Variants in LIMCH1 observed in about 807,000 individuals in gnomAD.
The protein encoded by LIMCH1 is LIM and calponin homology domains-containing protein 1.
A neutral mutation model predicts 176.5 loss-of-function variants in LIMCH1; 113 were observed. That is an observed-to-expected ratio of 0.64 (90% CI 0.55 to 0.75). LIMCH1 has a LOEUF of 0.75. Among genes scored for constraint, LIMCH1 ranks in the 30% least tolerant of loss-of-function variants. The probability of loss-of-function intolerance (pLI) is 0.00; values close to 1 mark genes in which losing one functional copy is unlikely to be tolerated. For missense variants in LIMCH1, 1,674 were observed against 1,814.9 expected, an observed-to-expected ratio of 0.92 and a Z score of 1.41; for synonymous variants, 619 against 645.9, an observed-to-expected ratio of 0.96 and a Z score of 0.63.
chr4:41,362,138 G>C (rs941866371), intron 1 of LIMCH1, among the ~76,000 whole-genome samples: 4 of 152,198 alleles, frequency 2.6e-5, no homozygotes, highest in Non-Finnish European at 5.9e-5. Flanking sequence ...ACTTAATGCT[G>C]CTCTCCTGCT....
intron 31 of LIMCH1, among the ~76,000 whole-genome samples, chr4:41,694,377 C>T (rs1175890776): frequency 1.3e-5 from 2 of 152,144 alleles, no homozygotes; most frequent in African/African-American, 4.8e-5. Flanking sequence ...TATGTTTGTA[C>T]ATGTGTATGC....
intron 2 of LIMCH1, among the ~76,000 whole-genome samples, chr4:41,603,591 A>G (rs1157486535): frequency 6.6e-6 from 1 of 152,216 alleles, no homozygotes; most frequent in East Asian, 1.9e-4. Context: ...AACTATGAAT[A>G]GTCCCAGTTC....
chr4:41,445,670 C>T (rs996281131), intron 1 of LIMCH1, among the ~76,000 whole-genome samples: 24 of 152,200 alleles, frequency 1.6e-4, no homozygotes, highest in African/African-American at 5.5e-4. Context: ...TGACCTGTAT[C>T]TTTCCACGAT....
intron 1 of LIMCH1, among the ~76,000 whole-genome samples, chr4:41,361,184 G>GA (rs2051974297): frequency 6.6e-6 from 1 of 152,222 alleles, no homozygotes; most frequent in South Asian, 2.1e-4. Context: ...GGCAGGAAGG[G>GA]ATCCCCTGCG....
intron 17 of LIMCH1, among the ~76,000 whole-genome samples, chr4:41,649,859 G>T (rs1316515621): frequency 6.6e-6 from 1 of 152,162 alleles, no homozygotes; most frequent in African/African-American, 2.4e-5. Flanking sequence ...ACTAGAAATA[G>T]AGATTCACTG....
intron 2 of LIMCH1, among the ~76,000 whole-genome samples, chr4:41,503,761 AG>A (rs2073780107): frequency 6.6e-6 from 1 of 152,130 alleles, no homozygotes; most frequent in Non-Finnish European, 1.5e-5. Flanking sequence ...GCCGGAGAAA[AG>A]CCTCTCTCCT....
intron 22 of LIMCH1, among the ~76,000 whole-genome samples, chr4:41,675,998 C>A (rs779805576): frequency 1.3e-5 from 2 of 152,174 alleles, no homozygotes; most frequent in African/African-American, 2.4e-5. Flanking sequence ...TGCATTTCTG[C>A]TAAAATAACT....
At chr4:41,445,480 A>G (rs1395539999) in intron 1 of LIMCH1, among the ~76,000 whole-genome samples, 2 of 152,234 alleles carry the variant, frequency 1.3e-5, no homozygotes, top group Non-Finnish European at 2.9e-5. Flanking sequence ...CCATAAAGCA[A>G]GAAGGATCAT....
intron 1 of LIMCH1, among the ~76,000 whole-genome samples, chr4:41,429,271 C>T (rs906935943): frequency 1.3e-5 from 2 of 152,090 alleles, no homozygotes; most frequent in Non-Finnish European, 2.9e-5. Context: ...TTCTACAAAG[C>T]AGCATTTTTT....
In LIMCH1 at chr4:41,581,177, T is replaced by C. The variant is rs182150108; in HGVS notation, c.-240-17743T>C. Among the ~76,000 whole-genome samples, 51 of 152,038 alleles carry C rather than the reference T, an allele frequency of 3.4e-4. No homozygotes were observed. The East Asian group carries it at 8.3e-3, about 25-fold the overall frequency. On this transcript the variant is annotated intron_variant, in intron 1 of 31. Coordinates refer to ENST00000503057, the MANE Select transcript of LIMCH1 (RefSeq NM_001330672.2). ...ATCAATCATCTGTTTTCTAGCTTTA[T>C]TGAGGGATAGTTGTCAAATAAAATT...
intron 1 of LIMCH1, among the ~76,000 whole-genome samples, chr4:41,593,399 CCA>C (rs2088043960): frequency 6.6e-6 from 1 of 152,184 alleles, no homozygotes. Context: ...TGCCAATTAG[CCA>C]GAAATGGTAA....
At chr4:41,528,694 C>G (rs1176076346) in intron 3 of LIMCH1, among the ~76,000 whole-genome samples, 1 of 152,104 alleles carries the variant, frequency 6.6e-6, no homozygotes, top group Non-Finnish European at 1.5e-5. Flanking sequence ...TTTTCTATGC[C>G]TGGAAGCCAT....
At chr4:41,626,616 T>G in intron 7 of LIMCH1, 92 bp from the exon 8 acceptor site, 1 of 1,043,178 alleles carries the variant, frequency 9.6e-7, no homozygotes, top group Non-Finnish European at 1.4e-6. Flanking sequence ...GAGAAGACTT[T>G]TCACTAACAA....
intron 13 of LIMCH1, among the ~76,000 whole-genome samples, chr4:41,634,996 G>A (rs772098294): frequency 6.6e-6 from 1 of 152,176 alleles, no homozygotes; most frequent in Non-Finnish European, 1.5e-5. Flanking sequence ...CCTAGAGACT[G>A]CCTACTGGAT....
chr4:41,410,400 C>T (rs1283864471), intron 1 of LIMCH1, among the ~76,000 whole-genome samples: 1 of 152,178 alleles, frequency 6.6e-6, no homozygotes, highest in Non-Finnish European at 1.5e-5. Context: ...GCACTCCTCT[C>T]AGTTTACTTC....
intron 4 of LIMCH1, among the ~76,000 whole-genome samples, chr4:41,606,656 C>T (rs1270147693): frequency 1.3e-5 from 2 of 152,190 alleles, no homozygotes; most frequent in Admixed American, 6.5e-5. Flanking sequence ...ATGTGTACTA[C>T]TTGCCTGAAT....
chr4:41,685,647 G>A (rs1359742388), intron 27 of LIMCH1, 63 bp from the exon 28 acceptor site: 1 of 1,595,686 alleles, frequency 6.3e-7, no homozygotes, highest in Non-Finnish European at 8.6e-7. Context: ...AAAGAAAGGT[G>A]ACTTCCTAGG....
At chr4:41,689,880 C>T in intron 30 of LIMCH1, 2 of 344,942 alleles carry the variant, frequency 5.8e-6, no homozygotes, top group South Asian at 8.4e-5. Flanking sequence ...TGCTAAAGAA[C>T]ATATACTCCA....
At chr4:41,523,096 A>G (rs934637762) in intron 2 of LIMCH1, among the ~76,000 whole-genome samples, 2 of 152,302 alleles carry the variant, frequency 1.3e-5, no homozygotes, top group African/African-American at 2.4e-5. Flanking sequence ...ATTTCTCAAC[A>G]TATGAATATA....
Sources: allele counts gnomAD v4.1 joint callset (sites outside exome capture counted in the v4.1 genomes callset), GRCh38; gene constraint gnomAD v4.1.1; transcripts MANE v1.5; gene names NCBI Gene and HGNC (gene_info 2026-07-23, HGNC 2026-07-21).